SHROOM4: variants seen among roughly 807,000 people sequenced by gnomAD.
SHROOM4 encodes the protein protein Shroom4.
A neutral mutation model predicts 80.3 loss-of-function variants in SHROOM4; 17 were observed. That is an observed-to-expected ratio of 0.21 (90% CI 0.14 to 0.32). The LOEUF is 0.32. SHROOM4 is among the 10% of genes least tolerant of loss of function. The pLI is 1.00. For missense variants in SHROOM4, 993 were observed against 1,140.3 expected (o/e 0.87, Z 1.86); for synonymous variants, 400 against 437.5 (o/e 0.91, Z 1.07).
chrX:50,694,327 G>A (rs1187419595), intron 2 of SHROOM4, among the ~76,000 whole-genome samples: 1 of 106,447 alleles, frequency 9.4e-6, no homozygotes, highest in Non-Finnish European at 1.9e-5. Flanking sequence ...CCTACCAACA[G>A]TGTACCAGGA....
At position 50,763,531 on chromosome X, in the gene SHROOM4, T is replaced by C. The variant is rs782351327; in HGVS notation, c.117+50371A>G. ...CTGATTAGCTTTCCCACCACTACCATGGGGCTTGCTGTTTGGTGGTTTGCC... is the reference window on the plus strand; with the variant it reads ...CTGATTAGCTTTCCCACCACTACCACGGGGCTTGCTGTTTGGTGGTTTGCC... On this transcript the variant is annotated intron_variant, in intron 1 of 8. Coordinates refer to ENST00000376020, the MANE Select transcript of SHROOM4 (RefSeq NM_020717.5). Among the ~76,000 whole-genome samples the C allele has an allele frequency of 1.3e-3, 147 of 111,683 alleles. 3 individuals are homozygous for C. The highest frequency in any genetic ancestry group is 1.3e-3 in the Admixed American group (14 of 10,486).
intron 1 of SHROOM4, among the ~76,000 whole-genome samples, chrX:50,731,810 G>C (rs1557266327): frequency 8.9e-6 from 1 of 111,773 alleles, no homozygotes; most frequent in Non-Finnish European, 1.9e-5. Flanking sequence ...CAGAGAGGCT[G>C]ACTTCATTTG....
intron 1 of SHROOM4, among the ~76,000 whole-genome samples, chrX:50,812,160 G>A (rs782492388): frequency 9.3e-5 from 10 of 108,021 alleles, no homozygotes; most frequent in Admixed American, 9.0e-4. Context: ...TTCTGTGGGC[G>A]GTGTGAGGAG....
intron 1 of SHROOM4, among the ~76,000 whole-genome samples, chrX:50,782,418 C>A (rs900788526): frequency 3.6e-5 from 4 of 110,618 alleles, no homozygotes; most frequent in African/African-American, 1.3e-4. Flanking sequence ...AGGAGGAGGG[C>A]CCAAAAGAGA....
the SHROOM4 span, among the ~76,000 whole-genome samples, chrX:50,578,246 C>G: frequency 8.9e-6 from 1 of 112,356 alleles, no homozygotes; most frequent in African/African-American, 3.2e-5. Context: ...ACCTGTAATG[C>G]TTAAAATGAC....
intron 1 of SHROOM4, among the ~76,000 whole-genome samples, chrX:50,809,803 C>T (rs1380852883): frequency 1.8e-5 from 2 of 111,885 alleles, no homozygotes; most frequent in South Asian, 3.8e-4. Flanking sequence ...AGAAGAGAAT[C>T]CCCATTCCAT....
At chrX:50,577,355 T>C in the SHROOM4 span, among the ~76,000 whole-genome samples, 1 of 112,831 alleles carries the variant, frequency 8.9e-6, no homozygotes, top group Non-Finnish European at 1.9e-5. Context: ...TATTCACATA[T>C]GAGAGGGTGC....
chrX:50,628,814 T>C (rs1930923129), intron 4 of SHROOM4, among the ~76,000 whole-genome samples: 1 of 112,241 alleles, frequency 8.9e-6, no homozygotes, highest in Non-Finnish European at 1.9e-5. Flanking sequence ...GCACATTGCT[T>C]GGCACATAAG....
Position 50,596,928 on chromosome X carries a change from G to T in SHROOM4, c.4249C>A (p.Gln1417Lys). The change falls in exon 9 of 9, where the codon CAG becomes AAG. Residue 1417 changes from glutamine to lysine, a missense_variant. Coordinates refer to ENST00000376020, the MANE Select transcript of SHROOM4 (RefSeq NM_020717.5). ...LIEKKQQLTGQLADAKELKEH... is the reference protein window; with the variant it reads ...LIEKKQQLTGKLADAKELKEH... ...TTCAGCTCCTTGGCATCTGCCAACT[G>T]CCCCGTCAGCTGCTGCTTCTTCTCT... 8.3e-7 allele frequency: 1 copy of T among 1,210,992 alleles called. No homozygotes were observed. The highest frequency in any genetic ancestry group is 1.1e-6 in the Non-Finnish European group (1 of 895,280).
chrX:50,718,595 G>A (rs2147510655), intron 1 of SHROOM4, among the ~76,000 whole-genome samples: 1 of 111,574 alleles, frequency 9.0e-6, no homozygotes, highest in African/African-American at 3.3e-5. Flanking sequence ...TCATGTGAAT[G>A]AGCATGAGTG....
intron 2 of SHROOM4, among the ~76,000 whole-genome samples, chrX:50,656,281 G>C (rs1932304034): frequency 9.0e-6 from 1 of 111,481 alleles, no homozygotes; most frequent in South Asian, 3.7e-4. Context: ...ACCTATTTTT[G>C]CTTTTGTTGC....
intron 1 of SHROOM4, among the ~76,000 whole-genome samples, chrX:50,751,570 T>C (rs980057507): frequency 6.3e-5 from 7 of 111,879 alleles, no homozygotes; most frequent in Non-Finnish European, 9.4e-5. Flanking sequence ...GGCTGTGTTG[T>C]TGACAGCTCC....
intron 2 of SHROOM4, among the ~76,000 whole-genome samples, chrX:50,654,104 G>A (rs782173325): frequency 4.3e-4 from 48 of 111,938 alleles, no homozygotes; most frequent in Non-Finnish European, 1.3e-4. Context: ...AGTGCTATGT[G>A]TATAATAGAG....
chrX:50,726,780 G>A (rs1452714238), intron 1 of SHROOM4, among the ~76,000 whole-genome samples: 1 of 113,060 alleles, frequency 8.8e-6, no homozygotes, highest in Non-Finnish European at 1.9e-5. Context: ...CTGCAGGGCA[G>A]AGGCCTAATG....
At position 50,634,083 on chromosome X, in the gene SHROOM4, A is replaced by T. The variant is rs2147293521; in HGVS notation, c.1990T>A (p.Ser664Thr). The change falls in exon 4 of 9, where the codon TCT (serine) becomes ACT (threonine). Residue 664 changes from serine (S) to threonine (T), a missense_variant. Physicochemically the swap from Ser to Thr is moderately conservative, Grantham distance 58 (BLOSUM62 1). Transcript: ENST00000376020. ...GGGGCTTGGCTGAGGCACTCGGAAG[A>T]CCTAGCTCTGAGCATCATGCTTTTG... ...FNKSMMLRAR[S>T]SECLSQAPES... 1.7e-6 allele frequency: 2 copies of T among 1,211,561 alleles called. No individual in the cohort carries two copies. Among genetic ancestry groups the T allele is most frequent in the East Asian group, 5.9e-5 (2 of 33,814 alleles).
At chrX:50,688,859 A>C (rs1835618322) in intron 2 of SHROOM4, among the ~76,000 whole-genome samples, 1 of 110,178 alleles carries the variant, frequency 9.1e-6, no homozygotes, top group Admixed American at 9.7e-5. Context: ...TTTTCTTGAT[A>C]GTTATATTTT....
At chrX:50,798,900 G>A (rs1461113445) in intron 1 of SHROOM4, among the ~76,000 whole-genome samples, 1 of 111,138 alleles carries the variant, frequency 9.0e-6, no homozygotes, top group Non-Finnish European at 1.9e-5. Flanking sequence ...AAAAGCACAC[G>A]AGCTATCCCT....
chrX:50,586,525 C>G (rs1928762996), downstream of SHROOM4, among the ~76,000 whole-genome samples: 1 of 110,513 alleles, frequency 9.0e-6, no homozygotes, highest in African/African-American at 3.3e-5. Flanking sequence ...AACTTTTAAG[C>G]AGTTTACAAA....
In SHROOM4 at chrX:50,711,629, A is replaced by C. The variant is rs1241318770; in HGVS notation, c.118-15692T>G. On this transcript the variant is annotated intron_variant, in intron 1 of 8. Coordinates refer to ENST00000376020, the MANE Select transcript of SHROOM4 (RefSeq NM_020717.5). ...ACTGATGTCCTCAATTTACTTGGAA[A>C]TGTATCAGAAAATAATATTGATGAG... Among the ~76,000 whole-genome samples the C allele has an allele frequency of 3.6e-5, 4 of 112,246 alleles. No homozygotes were observed. In the East Asian group the frequency reaches 8.3e-4, roughly 23 times the overall value.
Sources: allele counts gnomAD v4.1 joint callset (sites outside exome capture counted in the v4.1 genomes callset), GRCh38; gene constraint gnomAD v4.1.1; transcripts MANE v1.5; gene names NCBI Gene and HGNC (gene_info 2026-07-23, HGNC 2026-07-21).